The following MUC3A variants were observed in gnomAD, a reference collection of about 807,000 sequenced individuals.
The protein encoded by MUC3A is mucin-3A.
MUC3A carries 109 observed loss-of-function variants against 109.0 expected under a neutral mutation model. The ratio of observed to expected loss-of-function variants is 1.00; its 90% CI spans 0.86 to 1.17. The LOEUF (loss-of-function observed/expected upper bound fraction) is 1.17. MUC3A is among the 50% of genes most tolerant of loss of function. The pLI is 0.00. For missense variants in MUC3A, 3,537 were observed against 2,469.4 expected (o/e 1.43, Z -9.16); for synonymous variants, 1,398 against 981.4 (o/e 1.42, Z -7.93).
rs377019406 is a variant in MUC3A at position 100,960,839 on chromosome 7, G to A, written c.8954G>A (p.Arg2985Lys). 1.3e-5 allele frequency: 21 copies of A among 1,598,420 alleles called. No individual in the cohort carries two copies. In the African/African-American group the frequency reaches 2.3e-4, roughly 17 times the overall value. ...FSGDRCQLQT[R>K]CQNGGQWDGL... ...GGGGACCGCTGTCAGCTCCAGACCAGATGCCAGAATGGGGGTCAGTGGGAT... is the reference window on the plus strand; with the variant it reads ...GGGGACCGCTGTCAGCTCCAGACCAAATGCCAGAATGGGGGTCAGTGGGAT... Residue 2985 changes from arginine to lysine, a missense_variant, in exon 3 of 12, where the codon AGA becomes AAA. By Grantham distance (26) the Arg-to-Lys change is conservative. Transcript: ENST00000379458.
chr7:100,950,068 G>C (rs1791891724), intron 1 of MUC3A, among the ~76,000 whole-genome samples: 1 of 152,240 alleles, frequency 6.6e-6, no homozygotes, highest in Non-Finnish European at 1.5e-5. Context: ...CCTGCCTCAC[G>C]CCCCCAGCTT....
At chr7:100,964,117 G>A (rs943462830) in intron 5 of MUC3A, 30 of 397,244 alleles carry the variant, frequency 7.6e-5, no homozygotes, top group Admixed American at 3.3e-4. Flanking sequence ...AGGGGCGCCC[G>A]GTGGATGATG....
chr7:100,960,916 G>T lies in MUC3A; in HGVS notation c.9031G>T (p.Ala3011Ser). 6.3e-7 allele frequency: 1 copy of T among 1,598,538 alleles called. No homozygotes were observed. The highest frequency in any genetic ancestry group is 8.5e-7 in the Non-Finnish European group (1 of 1,179,814). ...CTTCTATGGTTCCAGTTGTGAGTTT[G>T]CTGTGGAACAGGTGGATCTAGGTGA... ...STFYGSSCEF[A>S]VEQVDLDVVE... Residue 3011 changes from alanine (A) to serine (S), a missense_variant, in exon 3 of 12, where the codon GCT becomes TCT. Ala to Ser is a moderately conservative substitution (Grantham distance 99). Transcript: ENST00000379458.
Position 100,966,957 on chromosome 7 carries a change from G to A in MUC3A, c.9930+6G>A, listed in dbSNP as rs765612006. On this transcript the variant is annotated splice_donor_region_variant and intron_variant, in intron 11 of 11. Transcript: ENST00000379458. ...ACGTGGACACCACTATGAAGGTGAGGGGCTAAAGAGGGGGACCCCAAGGAA... is the reference window on the plus strand; with the variant it reads ...ACGTGGACACCACTATGAAGGTGAGAGGCTAAAGAGGGGGACCCCAAGGAA... The A allele has an allele frequency of 1.3e-5, 20 of 1,598,408 alleles. No homozygotes were observed. Among genetic ancestry groups the A allele is most frequent in the Admixed American group, 6.7e-5 (4 of 60,010 alleles).
chr7:100,960,015 T>A lies in MUC3A; in HGVS notation c.8236T>A (p.Ser2746Thr). 3.3e-6 allele frequency: 5 copies of A among 1,508,592 alleles called. No individual in the cohort carries two copies. The highest frequency in any genetic ancestry group is 3.5e-6 in the Non-Finnish European group (4 of 1,140,268). 93.5% of individuals were successfully genotyped at this position (1,508,592 alleles called of 1,614,324 possible). Residue 2746 changes from serine (S) to threonine (T), a missense_variant, in exon 2 of 12, where the codon TCC becomes ACC. Ser to Thr is a moderately conservative substitution (Grantham distance 58, BLOSUM62 1). Coordinates refer to ENST00000379458, the MANE Select transcript of MUC3A (RefSeq NM_005960.2). ...SATTSTSSTS[S>T]SLTTALTEIT... ...AACTACCAGCACTTCTTCAACCAGC[T>A]CCTCTCTGACCACAGCTCTCACTGA... is the stretch of plus-strand genomic sequence containing the variant.
chr7:100,965,086 C>A, intron 6 of MUC3A, 196 bp from the exon 7 acceptor site: 1 of 1,139,226 alleles, frequency 8.8e-7, no homozygotes, highest in East Asian at 2.6e-5. Flanking sequence ...TGGCTGAAGA[C>A]CTCGGATTAT....
intron 5 of MUC3A, chr7:100,964,469 CAG>C (rs1386161184): frequency 1.5e-6 from 1 of 673,190 alleles, no homozygotes; most frequent in Non-Finnish European, 2.3e-6. Context: ...ATAAAACACA[CAG>C]AGAGAGGAAG....
chr7:100,950,631 C>T (rs529962125), intron 1 of MUC3A, among the ~76,000 whole-genome samples: 1 of 152,406 alleles, frequency 6.6e-6, no homozygotes, highest in Admixed American at 6.5e-5. Context: ...GGGTACCTCC[C>T]ACTTCCCATC....
At chr7:100,966,263 G>C in intron 8 of MUC3A, 123 bp from the exon 9 acceptor site, 1 of 761,868 alleles carries the variant, frequency 1.3e-6, no homozygotes, top group African/African-American at 5.6e-5. Flanking sequence ...CCTTGTCTAG[G>C]GTGGAACCCC....
At chr7:100,964,950 G>C in intron 6 of MUC3A, 107 bp downstream of exon 6, 1 of 1,462,720 alleles carries the variant, frequency 6.8e-7, no homozygotes, top group Non-Finnish European at 9.0e-7. Context: ...TGGTACCTCT[G>C]GCAGGTTGGG....
Position 100,968,143 on chromosome 7 carries a change from TTCTTGCCTCCCC to T in MUC3A, c.*985_*996del, listed in dbSNP as rs1554462866. ...CCTCATTTCCTTCGATCCCCCTCCC[TTCTTGCCTCCCC>T]TCTGCCTTTTAAACCCATCCCCTCC... On this transcript the variant is annotated 3_prime_UTR_variant, in exon 12 of 12. Transcript: ENST00000379458. The T allele has an allele frequency of 6.1e-4, 2 of 3,284 alleles. No homozygotes were observed. Among genetic ancestry groups the T allele is most frequent in the African/African-American group, 1.6e-3 (2 of 1,226 alleles). The allele number at this position is 3,284 out of a possible 1,614,324, so 0.2% of individuals were successfully genotyped here.
chr7:100,964,058 C>A, intron 5 of MUC3A: 1 of 566,580 alleles, frequency 1.8e-6, no homozygotes, highest in Non-Finnish European at 3.1e-6. Context: ...AGTGGGTCAG[C>A]ATTAGAAAGA....
chr7:100,967,243 C>G lies in MUC3A; in HGVS notation c.*81C>G. 2.5e-6 allele frequency: 4 copies of G among 1,581,462 alleles called. No homozygotes were observed. The highest frequency in any genetic ancestry group is 1.1e-5 in the South Asian group (1 of 89,398). ...CATTGCGTCCATTTCAAGAGGTGGCCCCAGGACGCGGGCAGCCCAGGCTCC... is the reference window on the plus strand; with the variant it reads ...CATTGCGTCCATTTCAAGAGGTGGCGCCAGGACGCGGGCAGCCCAGGCTCC... On this transcript the variant is annotated 3_prime_UTR_variant, in exon 12 of 12. Coordinates refer to ENST00000379458, the MANE Select transcript of MUC3A (RefSeq NM_005960.2).
Position 100,956,291 on chromosome 7 carries a change from C to T in MUC3A, c.4512C>T (p.Thr1504=), listed in dbSNP as rs1008814264. 0.39 allele frequency: 204,432 copies of T among 523,456 alleles called. 30,985 individuals carry two copies. Among genetic ancestry groups the T allele is most frequent in the Admixed American group, 0.47 (14,793 of 31,740 alleles). 32.4% of individuals were successfully genotyped at this position (523,456 alleles called of 1,614,324 possible). ...SLPPTSSLVS[T]AETAKTPTTN... ...CACCCACCTCTTCCTTGGTCTCAAC[C>T]GCAGAAACAGCCAAAACTCCTACCA... Residue 1504 remains threonine, a synonymous_variant, in exon 2 of 12, where the codon ACC becomes ACT. Transcript: ENST00000379458.
At chr7:100,964,980 A>G (rs1421449873) in intron 6 of MUC3A, 137 bp downstream of exon 6, 2 of 1,356,580 alleles carry the variant, frequency 1.5e-6, no homozygotes, top group East Asian at 5.0e-5. Context: ...ATAAGTCCAC[A>G]CACAACGGTG....
rs1480007742 is a variant in MUC3A at position 100,952,062 on chromosome 7, C to T, written c.283C>T (p.Pro95Ser). 1 of 1,598,566 alleles carries T rather than the reference C, an allele frequency of 6.3e-7. No individual in the cohort carries two copies. Among genetic ancestry groups the T allele is most frequent in the African/African-American group, 1.3e-5 (1 of 74,962 alleles). ...CATCTCTGAAACATTGCTCAACTCT[C>T]CAGTCAGTTCCAACACCTCAACCAC... ...TLISETLLNS[P>S]VSSNTSTTPT... is the part of the protein sequence containing the mutation. Residue 95 changes from proline (P) to serine (S), a missense_variant, in exon 2 of 12, where the codon CCA becomes TCA. By Grantham distance (74) the Pro-to-Ser change is moderately conservative. Transcript: ENST00000379458.
At chr7:100,949,771 T>A (rs192147253) in intron 1 of MUC3A, 86 bp downstream of exon 1, 6 of 1,309,282 alleles carry the variant, frequency 4.6e-6, no homozygotes, top group Non-Finnish European at 6.1e-6. Flanking sequence ...CTGTAAGGCC[T>A]GGGGAGGGGG....
In MUC3A at chr7:100,960,591, A is replaced by G; in HGVS notation, c.8812A>G (p.Thr2938Ala). The G allele has an allele frequency of 6.3e-7, 1 of 1,598,708 alleles. No individual in the cohort carries two copies. The highest frequency in any genetic ancestry group is 8.5e-7 in the Non-Finnish European group (1 of 1,179,794). ...TCCTACCACCCTTACATCACGCAGGACAACTCGCATCACTTCTCAGATGAC... is the reference window on the plus strand; with the variant it reads ...TCCTACCACCCTTACATCACGCAGGGCAACTCGCATCACTTCTCAGATGAC... Reference protein sequence around the residue: ...QTPTTLTSRRTTRITSQMTTQ... With the variant: ...QTPTTLTSRRATRITSQMTTQ... The change falls in exon 2 of 12, where the codon ACA becomes GCA. Residue 2938 changes from threonine to alanine, a missense_variant. Thr to Ala is a moderately conservative substitution (Grantham distance 58). Coordinates refer to ENST00000379458, the MANE Select transcript of MUC3A (RefSeq NM_005960.2).
chr7:100,966,246 C>CTACCGTGGATT lies in MUC3A; in HGVS notation c.9612-140_9612-139insTACCGTGGATT, dbSNP rs1792546315. On this transcript the variant is annotated intron_variant, in intron 8 of 11. Coordinates refer to ENST00000379458, the MANE Select transcript of MUC3A (RefSeq NM_005960.2). The stretch of plus-strand genomic sequence containing the variant: ...CCGGCCCCTCGTTCTAGGGTGGATT[C>CTACCGTGGATT]CCAGCCCCTTGTCTAGGGTGGAACC... The CTACCGTGGATT allele has an allele frequency of 1.4e-4, 86 of 626,526 alleles. No homozygotes were observed. The Middle Eastern group carries it at 4.0e-3, about 29-fold the overall frequency. 38.8% of individuals were successfully genotyped at this position (626,526 alleles called of 1,614,324 possible).
Sources: allele counts gnomAD v4.1 joint callset (sites outside exome capture counted in the v4.1 genomes callset), GRCh38; gene constraint gnomAD v4.1.1; transcripts MANE v1.5; gene names NCBI Gene and HGNC (gene_info 2026-07-23, HGNC 2026-07-21).